Variants in LETM2 observed in about 807,000 individuals in gnomAD.
LETM2 encodes leucine zipper and EF-hand containing transmembrane protein 2.
LETM2 carries 58 observed loss-of-function variants against 59.6 expected under a neutral mutation model. The observed-to-expected ratio is 0.97, with a 90% CI of 0.79 to 1.21. LETM2 has a LOEUF of 1.21. Among genes scored for constraint, LETM2 ranks in the 50% most tolerant of loss-of-function variants. The probability of loss-of-function intolerance (pLI) is 0.00; values close to 1 mark genes in which losing one functional copy is unlikely to be tolerated. For missense variants in LETM2, 572 were observed against 575.7 expected, an observed-to-expected ratio of 0.99 and a Z score of 0.07; for synonymous variants, 199 against 214.1, an observed-to-expected ratio of 0.93 and a Z score of 0.62.
intron 7 of LETM2, 49 bp downstream of exon 7, chr8:38,402,693 A>G: frequency 6.3e-7 from 1 of 1,592,066 alleles, no homozygotes; most frequent in Admixed American, 1.7e-5. Flanking sequence ...ACTCTCTCCT[A>G]CAATATGCAG....
chr8:38,404,339 C>A lies in LETM2; in HGVS notation c.1105-54C>A. The A allele has an allele frequency of 8.8e-6, 11 of 1,249,500 alleles. No individual in the cohort carries two copies. In the South Asian group the frequency reaches 1.2e-4, roughly 14 times the overall value. 77.4% of individuals were successfully genotyped at this position (1,249,500 alleles called of 1,614,324 possible). On this transcript the variant is annotated intron_variant, in intron 7 of 10. Transcript: ENST00000379957. Reference sequence around the variant, plus strand: ...CCAGGGAGGGTAGATGACCGCGGATCACTCTGGCTCTGGTGTTCTGATTCT... The same window carrying A: ...CCAGGGAGGGTAGATGACCGCGGATAACTCTGGCTCTGGTGTTCTGATTCT...
intron 4 of LETM2, among the ~76,000 whole-genome samples, chr8:38,396,168 A>AT (rs1257336489): frequency 1.1e-3 from 96 of 89,226 alleles, no homozygotes; most frequent in South Asian, 1.6e-3. Flanking sequence ...TTATTTATTT[A>AT]TTTTTTTTTT....
intron 8 of LETM2, among the ~76,000 whole-genome samples, chr8:38,405,990 C>T (rs1813686069): frequency 6.6e-6 from 1 of 152,144 alleles, no homozygotes; most frequent in Non-Finnish European, 1.5e-5. Flanking sequence ...AAGTAGCATG[C>T]TAGGTTCTGT....
intron 10 of LETM2, 144 bp from the exon 11 acceptor site, chr8:38,408,068 T>C: frequency 1.6e-6 from 1 of 639,784 alleles, no homozygotes; most frequent in Non-Finnish European, 2.7e-6. Flanking sequence ...TAAATCTCCT[T>C]TATCTTTTAT....
intron 8 of LETM2, 74 bp downstream of exon 8, chr8:38,404,580 T>C: frequency 1.1e-6 from 1 of 908,714 alleles, no homozygotes; most frequent in South Asian, 1.3e-5. Context: ...TGGTGTACTC[T>C]TGCAGTTAGA....
chr8:38,408,853 C>A lies in LETM2; in HGVS notation c.*579C>A, dbSNP rs1010038877. On this transcript the variant is annotated 3_prime_UTR_variant, in exon 11 of 11. Coordinates refer to ENST00000379957, the MANE Select transcript of LETM2 (RefSeq NM_001286819.2). ...CAGAAAGATTTGGCTGCTTCCGACA[C>A]CTCCATCTTGGGCCTGCAGAGGCTG... The A allele has an allele frequency of 6.6e-6, 1 of 152,456 alleles. No individual in the cohort carries two copies. Among genetic ancestry groups the A allele is most frequent in the African/African-American group, 2.4e-5 (1 of 41,466 alleles). 9.4% of individuals were successfully genotyped at this position (152,456 alleles called of 1,614,324 possible). A position where few individuals can be genotyped will look rare whatever the true frequency, so the allele number is the denominator to read the frequency against.
chr8:38,401,559 C>G (rs1393823109), intron 6 of LETM2: 1 of 163,132 alleles, frequency 6.1e-6, no homozygotes, highest in African/African-American at 2.4e-5. Context: ...CATCCCCTTA[C>G]CCATTTCTTG....
At chr8:38,387,632 C>T (rs1811875841) in intron 1 of LETM2, among the ~76,000 whole-genome samples, 1 of 152,094 alleles carries the variant, frequency 6.6e-6, no homozygotes, top group Non-Finnish European at 1.5e-5. Flanking sequence ...TATTGCTCTA[C>T]TTTTAAGTAC....
intron 6 of LETM2, 130 bp from the exon 7 acceptor site, chr8:38,402,395 T>C (rs1218076840): frequency 5.1e-6 from 5 of 978,656 alleles, no homozygotes; most frequent in Non-Finnish European, 7.7e-6. Context: ...ACGTCGCCTT[T>C]GCAGTAGCAG....
chr8:38,409,025 T>C lies in LETM2; in HGVS notation c.*751T>C, dbSNP rs947735851. The stretch of plus-strand genomic sequence containing the variant: ...TTGGGTGTGTGTGTTTCTGGCCAGT[T>C]TGTCTTTCACAAATAAGACTATTAG... On this transcript the variant is annotated 3_prime_UTR_variant, in exon 11 of 11. Transcript: ENST00000379957. The C allele has an allele frequency of 4.6e-5, 7 of 152,352 alleles. No individual in the cohort carries two copies. Among genetic ancestry groups the C allele is most frequent in the South Asian group, 2.1e-4 (1 of 4,830 alleles). 9.4% of individuals were successfully genotyped at this position (152,352 alleles called of 1,614,324 possible).
Position 38,407,037 on chromosome 8 carries a change from A to C in LETM2, c.1310A>C (p.Lys437Thr). The C allele has an allele frequency of 6.3e-7, 1 of 1,577,564 alleles. No homozygotes were observed. The highest frequency in any genetic ancestry group is 1.1e-5 in the South Asian group (1 of 89,968). ...CTTGCACCTCAACTGAAGGGAACTA[A>C]GGTTAGACAGTTACTTTCCATTTGG... is the stretch of plus-strand genomic sequence containing the variant. ...VDLAPQLKGT[K>T]DEDFIQPPPV... The change falls in exon 9 of 11, where the codon AAG becomes ACG. Residue 437 changes from lysine to threonine, a missense_variant and splice_region_variant. Transcript: ENST00000379957.
intron 2 of LETM2, among the ~76,000 whole-genome samples, chr8:38,391,647 T>C (rs1193544621): frequency 1.3e-5 from 2 of 151,960 alleles, no homozygotes; most frequent in East Asian, 3.9e-4. Context: ...AACTGTGGGC[T>C]GTTGCAATAC....
chr8:38,401,287 T>A lies in LETM2; in HGVS notation c.984+234T>A, dbSNP rs774190704. Among the ~76,000 whole-genome samples, 42 of 152,174 alleles carry A rather than the reference T, an allele frequency of 2.8e-4. No homozygotes were observed. The Middle Eastern group carries it at 0.01, about 37-fold the overall frequency. ...AAGTAGCTGGGATTACAGGCACACA[T>A]CATCACACCTGGCTAATTTTTGTAT... On this transcript the variant is annotated intron_variant, in intron 6 of 10. Transcript: ENST00000379957.
upstream of LETM2, chr8:38,382,453 T>G (rs1489371835): frequency 1.3e-5 from 2 of 151,268 alleles, no homozygotes; most frequent in African/African-American, 4.9e-5. This position sits in a 1 kb window ranked among gnomAD's most constrained non-coding sequence, Gnocchi z 4.2. Flanking sequence ...GCAGCTAGCG[T>G]CTGGACGACT....
chr8:38,397,207 C>T lies in LETM2; in HGVS notation c.645+2966C>T, dbSNP rs1365667198. Reference sequence around the variant, plus strand: ...TTTTTTTTTTTTTGAGACGGAGTCTCGCACCATCACCCGGGCTGGAGTGCA... The same window carrying T: ...TTTTTTTTTTTTTGAGACGGAGTCTTGCACCATCACCCGGGCTGGAGTGCA... On this transcript the variant is annotated intron_variant, in intron 4 of 10. Transcript: ENST00000379957. 6.2e-5 allele frequency: 28 copies of T among 450,422 alleles called. 1 individual carries two copies. The highest frequency in any genetic ancestry group is 9.6e-5 in the Admixed American group (4 of 41,806). The allele number at this position is 450,422 out of a possible 1,614,324, so 27.9% of individuals were successfully genotyped here.
intron 8 of LETM2, among the ~76,000 whole-genome samples, chr8:38,405,732 C>T (rs1010932111): frequency 2.6e-5 from 4 of 152,152 alleles, no homozygotes; most frequent in African/African-American, 9.7e-5. Flanking sequence ...TGAGACAGAC[C>T]AAAGTTAATC....
upstream of LETM2, among the ~76,000 whole-genome samples, chr8:38,383,916 A>T (rs1045669735): frequency 1.4e-5 from 2 of 147,364 alleles, no homozygotes; most frequent in African/African-American, 5.0e-5. Flanking sequence ...GGCGACACAG[A>T]GAGGCTATGT....
chr8:38,390,343 CG>C (rs1174563290), intron 2 of LETM2, among the ~76,000 whole-genome samples: 1 of 151,794 alleles, frequency 6.6e-6, no homozygotes, highest in Non-Finnish European at 1.5e-5. Flanking sequence ...AAAAAAGAGC[CG>C]GGTGTGATGG....
intron 8 of LETM2, among the ~76,000 whole-genome samples, chr8:38,406,096 T>C (rs1813694441): frequency 1.3e-5 from 2 of 152,190 alleles, no homozygotes; most frequent in East Asian, 3.8e-4. Flanking sequence ...GTGATATATG[T>C]TTTTCAAATC....
Sources: allele counts gnomAD v4.1 joint callset (sites outside exome capture counted in the v4.1 genomes callset), GRCh38; gene constraint gnomAD v4.1.1; non-coding constraint Gnocchi (gnomAD v3.1); transcripts MANE v1.5; gene names NCBI Gene and HGNC (gene_info 2026-07-23, HGNC 2026-07-21).